PRKDC: variants seen among roughly 807,000 people sequenced by gnomAD.
PRKDC encodes protein kinase, DNA-activated, catalytic subunit, also known as DNA-dependent protein kinase catalytic subunit.
A neutral mutation model predicts 486.9 loss-of-function variants in PRKDC; 82 were observed. The ratio of observed to expected loss-of-function variants is 0.17; its 90% CI spans 0.14 to 0.20. The LOEUF (loss-of-function observed/expected upper bound fraction) is 0.20, where lower values mean the gene tolerates loss of function less well. Ranked by LOEUF, PRKDC falls within the 10% of genes least tolerant of loss-of-function variation. The probability of loss-of-function intolerance (pLI) is 1.00; values close to 1 mark genes in which losing one functional copy is unlikely to be tolerated. For synonymous variants in PRKDC, 1,895 were observed against 1,837.0 expected, an observed-to-expected ratio of 1.03 and a Z score of -0.81; for missense variants, 4,504 against 5,038.2, an observed-to-expected ratio of 0.89 and a Z score of 3.21.
At chr8:47,885,487 T>C (rs2089306687) in intron 36 of PRKDC, among the ~76,000 whole-genome samples, 1 of 152,186 alleles carries the variant, frequency 6.6e-6, no homozygotes, top group South Asian at 2.1e-4. Context: ...GGGTATGTTT[T>C]GGGTTTTTCT....
rs969136096 is a variant in PRKDC, at chr8:47,943,086, G to T, written c.966+123C>A. ...ATGGCTGGCTGATCAACATCTTTCT[G>T]CTTTAAATACTACAGAAGCTACAGA... On this transcript the variant is annotated intron_variant, in intron 10 of 85. Coordinates refer to ENST00000314191, the MANE Select transcript of PRKDC (RefSeq NM_006904.7). 15 of 1,235,590 alleles carry T rather than the reference G, an allele frequency of 1.2e-5. No homozygotes were observed. The African/African-American group carries it at 1.4e-4, about 11-fold the overall frequency. 76.5% of individuals were successfully genotyped at this position (1,235,590 alleles called of 1,614,324 possible).
intron 78 of PRKDC, 74 bp downstream of exon 78, chr8:47,783,667 TA>T: frequency 6.9e-7 from 1 of 1,454,456 alleles, no homozygotes. Context: ...TCTCATATAC[TA>T]AAGGCAAACA....
chr8:47,952,057 G>A (rs752664145), intron 7 of PRKDC, among the ~76,000 whole-genome samples: 7 of 152,124 alleles, frequency 4.6e-5, no homozygotes, highest in Non-Finnish European at 8.8e-5. Flanking sequence ...ACAGTATGAC[G>A]ATTTCTCAGA....
chr8:47,774,513 G>A, intron 85 of PRKDC, 136 bp from the exon 86 acceptor site: 1 of 829,930 alleles, frequency 1.2e-6, no homozygotes, highest in Non-Finnish European at 1.8e-6. Flanking sequence ...TAACCTTGAA[G>A]TCAAAGACTG....
intron 68 of PRKDC, among the ~76,000 whole-genome samples, chr8:47,814,746 CA>C (rs1375903467): frequency 6.6e-6 from 1 of 152,144 alleles, no homozygotes; most frequent in East Asian, 1.9e-4. Context: ...AGCAACTCCC[CA>C]AATTAAACTA....
intron 4 of PRKDC, among the ~76,000 whole-genome samples, chr8:47,955,478 A>C (rs1160316901): frequency 6.6e-6 from 1 of 151,080 alleles, no homozygotes; most frequent in Non-Finnish European, 1.5e-5. Context: ...AAAAAAAAAA[A>C]AAAAAAAAAG....
chr8:47,944,080 A>T, intron 7 of PRKDC, 51 bp from the exon 8 acceptor site: 2 of 1,426,788 alleles, frequency 1.4e-6, no homozygotes, highest in South Asian at 2.5e-5. Flanking sequence ...AGTATCACAT[A>T]ACACACTTTA....
At chr8:47,918,221 G>A (rs372255557) in intron 22 of PRKDC, 56 bp downstream of exon 22, 1 of 1,169,856 alleles carries the variant, frequency 8.5e-7, no homozygotes, top group Non-Finnish European at 1.2e-6. Flanking sequence ...TTTCACAAGT[G>A]TTAGAATCTG....
Position 47,887,582 on chromosome 8 carries a change from C to G in PRKDC, c.4537G>C (p.Gly1513Arg). 6.3e-7 allele frequency: 1 copy of G among 1,593,926 alleles called. No individual in the cohort carries two copies. The highest frequency in any genetic ancestry group is 1.1e-5 in the South Asian group (1 of 87,348). Residue 1513 changes from glycine to arginine, a missense_variant, in exon 35 of 86, where the codon GGA becomes CGA. Gly to Arg is a moderately radical substitution (Grantham distance 125). This residue lies in a region of PRKDC where 1,969 missense variants were observed against 2,068.9 expected (regional missense o/e 0.95). Coordinates refer to ENST00000314191, the MANE Select transcript of PRKDC (RefSeq NM_006904.7). Reference protein sequence around the residue: ...LDLSCKQLASGLLELAFAFGG... With the variant: ...LDLSCKQLASRLLELAFAFGG... Reference sequence around the variant, plus strand: ...AAAGCAAAGGCTAACTCCAGAAGTCCGCTGGCCAGCTGCTTACAACTGAGG... The same window carrying G: ...AAAGCAAAGGCTAACTCCAGAAGTCGGCTGGCCAGCTGCTTACAACTGAGG...
rs1315949959 is a variant in PRKDC at position 47,897,546 on chromosome 8, G to A, written c.3465-252C>T. On this transcript the variant is annotated intron_variant, in intron 29 of 85. Transcript: ENST00000314191. ...TTAAAAAGTTCTCCTTAAAAGAACAGCACTAAGTATTTTCATGTTTCCTTT... is the reference window on the plus strand; with the variant it reads ...TTAAAAAGTTCTCCTTAAAAGAACAACACTAAGTATTTTCATGTTTCCTTT... Among the ~76,000 whole-genome samples the A allele has an allele frequency of 2.6e-5, 4 of 152,326 alleles. No homozygotes were observed. The East Asian group carries it at 7.7e-4, about 29-fold the overall frequency.
At chr8:47,830,574 G>C in intron 61 of PRKDC, 31 bp downstream of exon 61, 1 of 1,607,930 alleles carries the variant, frequency 6.2e-7, no homozygotes, top group Non-Finnish European at 8.5e-7. Context: ...ATTTTAACCT[G>C]TCAACAGAAA....
chr8:47,828,613 T>C (rs1037211048), intron 61 of PRKDC, among the ~76,000 whole-genome samples: 1 of 152,178 alleles, frequency 6.6e-6, no homozygotes, highest in African/African-American at 2.4e-5. Flanking sequence ...CATAATGACA[T>C]AGCTTCTCTC....
At chr8:47,831,722 G>C (rs1207838370) in intron 60 of PRKDC, 92 bp downstream of exon 60, 33 of 1,350,714 alleles carry the variant, frequency 2.4e-5, no homozygotes, top group Non-Finnish European at 3.5e-5. Flanking sequence ...GGTGACATTG[G>C]AGGCAGTGTC....
intron 54 of PRKDC, among the ~76,000 whole-genome samples, chr8:47,840,701 C>T (rs2088120547): frequency 6.6e-6 from 1 of 152,186 alleles, no homozygotes; most frequent in Non-Finnish European, 1.5e-5. Flanking sequence ...AATCTGAGCT[C>T]TAAATGAGGC....
intron 16 of PRKDC, among the ~76,000 whole-genome samples, chr8:47,932,627 A>T (rs576765060): frequency 1.4e-3 from 211 of 152,318 alleles, no homozygotes; most frequent in Non-Finnish European, 2.5e-3. Context: ...TCAGGAACAC[A>T]TTTAACACCT....
Position 47,881,433 on chromosome 8 carries a change from G to C in PRKDC, c.5050C>G (p.Leu1684Val). 6.5e-7 allele frequency: 1 copy of C among 1,549,800 alleles called. No individual in the cohort carries two copies. The highest frequency in any genetic ancestry group is 8.9e-7 in the Non-Finnish European group (1 of 1,125,034). The change falls in exon 38 of 86, where the codon CTG becomes GTG. Residue 1684 changes from leucine to valine, a missense_variant. By Grantham distance (32) the Leu-to-Val change is conservative. This residue lies in a region of PRKDC where 1,969 missense variants were observed against 2,068.9 expected (regional missense o/e 0.95). Transcript: ENST00000314191. ...TYISLLADTK[L>V]DLHLKGQAVT... ...CTGTTTACCTTTAAATGTAGATCCAGCTTTGTGTCAGCAAGTAGACTAATA... is the reference window on the plus strand; with the variant it reads ...CTGTTTACCTTTAAATGTAGATCCACCTTTGTGTCAGCAAGTAGACTAATA...
At chr8:47,920,348 T>C (rs923260649) in intron 21 of PRKDC, among the ~76,000 whole-genome samples, 2 of 152,196 alleles carry the variant, frequency 1.3e-5, no homozygotes, top group Non-Finnish European at 2.9e-5. Flanking sequence ...CTGAAACTAT[T>C]TACTAAGCTC....
chr8:47,877,679 C>G (rs1036295951), intron 40 of PRKDC, 45 bp downstream of exon 40: 1 of 1,465,652 alleles, frequency 6.8e-7, no homozygotes, highest in African/African-American at 1.4e-5. Context: ...TCCCACAAAA[C>G]TGAAATGCGT....
chr8:47,849,637 G>T, intron 52 of PRKDC, 134 bp from the exon 53 acceptor site: 1 of 1,003,462 alleles, frequency 1.0e-6, no homozygotes, highest in Non-Finnish European at 1.4e-6. Context: ...GTAGATGATG[G>T]GACAGTAGGT....
Sources: gnomAD v4.1 joint callset for allele counts (sites outside exome capture counted in the v4.1 genomes callset) on GRCh38, gnomAD v4.1.1 for gene constraint, gnomAD v4.1.1 regional missense constraint, MANE v1.5 for transcripts, NCBI Gene and HGNC (gene_info 2026-07-23, HGNC 2026-07-21) for gene names.